CHMP4C: variants seen among roughly 807,000 people sequenced by gnomAD.
CHMP4C encodes the protein SNF7 homolog associated with Alix 3.
CHMP4C carries 28 observed loss-of-function variants against 29.0 expected under a neutral mutation model. The observed-to-expected ratio is 0.97, with a 90% CI of 0.72 to 1.32. CHMP4C has a LOEUF of 1.32. Among genes scored for constraint, CHMP4C ranks in the 40% most tolerant of loss-of-function variants. The pLI, the probability that CHMP4C is intolerant of heterozygous loss-of-function variation, is 0.00. For synonymous variants in CHMP4C, 106 were observed against 102.4 expected (o/e 1.04, Z -0.21); for missense variants, 291 against 281.0 (o/e 1.04, Z -0.25).
chr8:81,753,698 C>T (rs1465956936), intron 2 of CHMP4C, among the ~76,000 whole-genome samples: 1 of 152,150 alleles, frequency 6.6e-6, no homozygotes, highest in South Asian at 2.1e-4. Flanking sequence ...GTCTGAGAAC[C>T]ACTGACACAG....
intron 3 of CHMP4C, 47 bp from the exon 4 acceptor site, chr8:81,758,095 T>C (rs1808992801): frequency 1.9e-6 from 3 of 1,581,886 alleles, no homozygotes; most frequent in East Asian, 2.2e-5. Context: ...AGGAAACCCA[T>C]GTCTTGAAAC....
At chr8:81,757,707 A>G (rs146015913) in intron 3 of CHMP4C, among the ~76,000 whole-genome samples, 5 of 152,322 alleles carry the variant, frequency 3.3e-5, no homozygotes, top group African/African-American at 1.2e-4. Context: ...AATTCCTTTT[A>G]CTTTCTGTAC....
intron 1 of CHMP4C, among the ~76,000 whole-genome samples, chr8:81,739,400 C>A (rs895306790): frequency 5.6e-5 from 6 of 107,358 alleles, no homozygotes; most frequent in African/African-American, 2.4e-4. Context: ...ACTCGGTATT[C>A]TAAGGCCTGG....
intron 1 of CHMP4C, among the ~76,000 whole-genome samples, chr8:81,736,690 A>T (rs989294126): frequency 6.6e-6 from 1 of 152,166 alleles, no homozygotes; most frequent in Non-Finnish European, 1.5e-5. Context: ...CTGCCAGGGA[A>T]CATTGCTGTC....
At chr8:81,751,615 A>G (rs1808904990) in intron 1 of CHMP4C, among the ~76,000 whole-genome samples, 2 of 152,128 alleles carry the variant, frequency 1.3e-5, no homozygotes, top group African/African-American at 2.4e-5. Flanking sequence ...ATGAACAAAG[A>G]CAATTTAATC....
At chr8:81,747,356 AGAGTAAAGCCTT>A (rs1808838691) in intron 1 of CHMP4C, among the ~76,000 whole-genome samples, 1 of 151,846 alleles carries the variant, frequency 6.6e-6, no homozygotes, top group Non-Finnish European at 1.5e-5. Flanking sequence ...AAAAAAAAAA[AGAGTAAAGCCTT>A]AGGGTCAATG....
At chr8:81,742,307 A>G (rs184716333) in intron 1 of CHMP4C, among the ~76,000 whole-genome samples, 156 of 152,354 alleles carry the variant, frequency 1.0e-3, no homozygotes, top group African/African-American at 3.6e-3. Context: ...AAAAGCAAGC[A>G]AACGAGAATG....
In CHMP4C at chr8:81,758,565, C is replaced by G; in HGVS notation, c.*21C>G. On this transcript the variant is annotated 3_prime_UTR_variant, in exon 5 of 5. Transcript: ENST00000297265. The stretch of plus-strand genomic sequence containing the variant: ...CCTAAACTAAAACACATTTTTGATA[C>G]CTAAATTAATGAGCTATAGATAAAA... 6.7e-7 allele frequency: 1 copy of G among 1,503,696 alleles called. No individual in the cohort carries two copies. The allele number at this position is 1,503,696 out of a possible 1,614,324, so 93.1% of individuals were successfully genotyped here.
chr8:81,732,940 A>G (rs1808637875), intron 1 of CHMP4C, 124 bp downstream of exon 1: 3 of 824,282 alleles, frequency 3.6e-6, no homozygotes, highest in East Asian at 2.7e-5. Context: ...TTTTCTAGGA[A>G]CTGGTACTGA....
intron 1 of CHMP4C, among the ~76,000 whole-genome samples, chr8:81,752,338 A>G (rs1808913652): frequency 6.6e-6 from 1 of 152,136 alleles, no homozygotes; most frequent in Admixed American, 6.6e-5. Context: ...GCCACAGTCA[A>G]GAGGGCTCTA....
intron 3 of CHMP4C, 34 bp from the exon 4 acceptor site, chr8:81,758,102 AAACGTT>A: frequency 6.3e-7 from 1 of 1,599,062 alleles, no homozygotes; most frequent in Non-Finnish European, 8.6e-7. Flanking sequence ...CCATGTCTTG[AAACGTT>A]AACTCCATAA....
intron 1 of CHMP4C, among the ~76,000 whole-genome samples, chr8:81,739,098 T>C (rs1181295069): frequency 3.2e-4 from 6 of 18,984 alleles, no homozygotes; most frequent in Non-Finnish European, 4.2e-4. Flanking sequence ...TTCTTTTCCC[T>C]TTTTTTTTTT....
chr8:81,739,423 G>GGT (rs538186074), intron 1 of CHMP4C, among the ~76,000 whole-genome samples: 1 of 142,816 alleles, frequency 7.0e-6, no homozygotes, highest in Non-Finnish European at 1.5e-5. Context: ...GATTGTGGGG[G>GGT]GGGGTGGAAA....
intron 4 of CHMP4C, 50 bp downstream of exon 4, chr8:81,758,345 T>C (rs768724665): frequency 1.2e-6 from 2 of 1,601,046 alleles, no homozygotes; most frequent in Admixed American, 3.4e-5. Flanking sequence ...CCTAAAATGA[T>C]AGCCAGGCCC....
chr8:81,756,258 G>A (rs1048687265), intron 3 of CHMP4C, among the ~76,000 whole-genome samples: 4 of 152,088 alleles, frequency 2.6e-5, no homozygotes, highest in South Asian at 2.1e-4. Context: ...AATTCTTCCC[G>A]TGACCTGTTT....
chr8:81,743,650 C>G (rs1808790514), intron 1 of CHMP4C, among the ~76,000 whole-genome samples: 1 of 152,066 alleles, frequency 6.6e-6, no homozygotes, highest in Non-Finnish European at 1.5e-5. Context: ...TAAAATAAGT[C>G]TTTTATGCAA....
rs768253252 is a variant in CHMP4C at position 81,758,505 on chromosome 8, GGAT to G, written c.670_672del (p.Asp224del). 6.2e-7 allele frequency: 1 copy of G among 1,613,294 alleles called. No individual in the cohort carries two copies. The highest frequency in any genetic ancestry group is 1.1e-5 in the South Asian group (1 of 91,024). ...CATCTTCCCAGAGGGCAGAAGAAGA[GGAT>G]GATGATATCAAACAATTGGCAGCTT... On this transcript the variant is annotated inframe_deletion, in exon 5 of 5. Transcript: ENST00000297265.
intron 3 of CHMP4C, 31 bp from the exon 4 acceptor site, chr8:81,758,111 C>T: frequency 6.2e-7 from 1 of 1,608,176 alleles, no homozygotes; most frequent in Non-Finnish European, 8.5e-7. Context: ...GAAACGTTAA[C>T]TCCATAATTC....
At chr8:81,750,721 T>G (rs1808890741) in intron 1 of CHMP4C, among the ~76,000 whole-genome samples, 2 of 151,726 alleles carry the variant, frequency 1.3e-5, no homozygotes, top group South Asian at 4.1e-4. Flanking sequence ...GTATATATAA[T>G]TAAATAAAAA....
Sources: allele counts gnomAD v4.1 joint callset (sites outside exome capture counted in the v4.1 genomes callset), GRCh38; gene constraint gnomAD v4.1.1; transcripts MANE v1.5; gene names NCBI Gene and HGNC (gene_info 2026-07-23, HGNC 2026-07-21).